The following ARID5B variants were observed in gnomAD, a reference collection of about 807,000 sequenced individuals.
The protein encoded by ARID5B is AT-rich interaction domain 5B.
In ARID5B, 13 loss-of-function variants were observed where a neutral mutation model predicts 97.2. That is an observed-to-expected ratio of 0.13 (90% CI 0.09 to 0.21). The LOEUF (loss-of-function observed/expected upper bound fraction) is 0.21, where lower values mean the gene tolerates loss of function less well. Among genes scored for constraint, ARID5B ranks in the 10% least tolerant of loss-of-function variants. The pLI, the probability that ARID5B is intolerant of heterozygous loss-of-function variation, is 1.00. For missense variants in ARID5B, 1,210 were observed against 1,465.3 expected, an observed-to-expected ratio of 0.83 and a Z score of 2.84; for synonymous variants, 556 against 570.3, an observed-to-expected ratio of 0.97 and a Z score of 0.36.
At chr10:62,090,727 G>C (rs1840356753) in intron 9 of ARID5B, 135 bp from the exon 10 acceptor site, 1 of 1,122,728 alleles carries the variant, frequency 8.9e-7, no homozygotes, top group South Asian at 1.8e-5. Context: ...GAGTAATAAA[G>C]CTTTACAGAA....
intron 4 of ARID5B, among the ~76,000 whole-genome samples, chr10:62,020,559 G>A (rs1839342976): frequency 6.6e-6 from 1 of 152,032 alleles, no homozygotes; most frequent in African/African-American, 2.4e-5. Flanking sequence ...AGAGCTCAGG[G>A]GCATTTTCTT....
intron 9 of ARID5B, among the ~76,000 whole-genome samples, chr10:62,089,535 T>C (rs1354048071): frequency 2.7e-5 from 4 of 148,944 alleles, no homozygotes; most frequent in Non-Finnish European, 4.5e-5. Flanking sequence ...TTTCTTTTTT[T>C]TTTTTTTTTT....
chr10:61,937,027 G>T (rs568282851), intron 2 of ARID5B, among the ~76,000 whole-genome samples: 1 of 152,124 alleles, frequency 6.6e-6, no homozygotes, highest in Non-Finnish European at 1.5e-5. Context: ...AAGTCCTGCC[G>T]TCAGTTGGTT....
At chr10:61,910,478 C>T (rs1422822360) in intron 2 of ARID5B, among the ~76,000 whole-genome samples, 1 of 152,208 alleles carries the variant, frequency 6.6e-6, no homozygotes, top group Non-Finnish European at 1.5e-5. Context: ...GATTCATTCA[C>T]CTCTCAGAGA....
intron 2 of ARID5B, among the ~76,000 whole-genome samples, chr10:61,928,845 C>T (rs1022286462): frequency 2.6e-5 from 4 of 152,200 alleles, no homozygotes; most frequent in African/African-American, 7.2e-5. Flanking sequence ...TTTTTACTCC[C>T]TCTGTAGATA....
intron 2 of ARID5B, among the ~76,000 whole-genome samples, chr10:61,933,074 G>C (rs1236931109): frequency 6.6e-6 from 1 of 152,034 alleles, no homozygotes; most frequent in Admixed American, 6.5e-5. Context: ...CAACTCAAAA[G>C]AACAAAAACA....
intron 7 of ARID5B, among the ~76,000 whole-genome samples, chr10:62,063,082 T>A (rs1839942691): frequency 6.6e-6 from 1 of 152,256 alleles, no homozygotes; most frequent in African/African-American, 2.4e-5. Context: ...ACCTGCCTTT[T>A]GTAGCATCTT....
rs559101002 is a variant in ARID5B, at chr10:62,095,306, G to A, written c.*2276G>A. On this transcript the variant is annotated 3_prime_UTR_variant, in exon 10 of 10. Transcript: ENST00000279873. ...GAATCGGAGGACATGGAAGAAAAAG[G>A]AAACTTCGGTGGTTCTGCAGCAGAC... The A allele has an allele frequency of 2.6e-5, 6 of 232,476 alleles. No homozygotes were observed. In the South Asian group the frequency reaches 1.1e-3, roughly 42 times the overall value. 14.4% of individuals were successfully genotyped at this position (232,476 alleles called of 1,614,324 possible).
chr10:62,016,618 T>C (rs1839287728), intron 4 of ARID5B, among the ~76,000 whole-genome samples: 1 of 152,214 alleles, frequency 6.6e-6, no homozygotes, highest in Admixed American at 6.5e-5. Flanking sequence ...TCAACCAGTC[T>C]GTTGCTCCCC....
At chr10:62,005,953 C>G (rs910129911) in intron 4 of ARID5B, among the ~76,000 whole-genome samples, 2 of 152,214 alleles carry the variant, frequency 1.3e-5, no homozygotes, top group Non-Finnish European at 2.9e-5. Context: ...CATACTTTCT[C>G]TGCCTGCCTG....
At chr10:62,038,127 A>G (rs1157276500) in intron 4 of ARID5B, among the ~76,000 whole-genome samples, 1 of 152,188 alleles carries the variant, frequency 6.6e-6, no homozygotes, top group African/African-American at 2.4e-5. Context: ...TTTTAATACC[A>G]GGTTTGTTTG....
intron 3 of ARID5B, among the ~76,000 whole-genome samples, chr10:61,993,277 C>T (rs547285012): frequency 1.3e-4 from 20 of 152,190 alleles, no homozygotes; most frequent in Middle Eastern, 3.4e-3. Context: ...TTGAAAAATA[C>T]GGCAGGACAC....
rs537887436 is a variant in ARID5B at position 61,922,670 on chromosome 10, G to A, written c.277-17513G>A. 3.3e-5 allele frequency among the ~76,000 whole-genome samples: 5 copies of A among 152,304 alleles called. 1 individual carries two copies. In the East Asian group the frequency reaches 7.7e-4, roughly 24 times the overall value. On this transcript the variant is annotated intron_variant, in intron 2 of 9. Transcript: ENST00000279873. ...GAGGCTTTAAATCATGTTGGCATAC[G>A]GCCATGGAAAGAAGACCTAAAAATC...
intron 8 of ARID5B, among the ~76,000 whole-genome samples, chr10:62,070,430 C>T (rs16916945): frequency 0.086 from 13,142 of 152,166 alleles, 778 homozygotes; most frequent in East Asian, 0.22. Flanking sequence ...TTATTCACAC[C>T]GTTAAAGACC....
In ARID5B at chr10:62,050,874, C is replaced by A. The variant is rs752073681; in HGVS notation, c.734-14C>A. ...AGTGAAAATGTATATCAATTGTTTT[C>A]CATTTGTTTTCAGCGCCAAATCTTA... On this transcript the variant is annotated splice_polypyrimidine_tract_variant and intron_variant, in intron 4 of 9. Coordinates refer to ENST00000279873, the MANE Select transcript of ARID5B (RefSeq NM_032199.3). 2 of 1,605,460 alleles carry A rather than the reference C, an allele frequency of 1.2e-6. No individual in the cohort carries two copies. Among genetic ancestry groups the A allele is most frequent in the Non-Finnish European group, 1.7e-6 (2 of 1,172,958 alleles).
At chr10:62,069,829 A>T in intron 8 of ARID5B, 32 bp downstream of exon 8, 1 of 1,602,260 alleles carries the variant, frequency 6.2e-7, no homozygotes, top group South Asian at 1.1e-5. Context: ...TTGCTTAGTT[A>T]AAAGTGTGTT....
chr10:62,054,000 T>C (rs1289628527), intron 5 of ARID5B, among the ~76,000 whole-genome samples: 1 of 152,196 alleles, frequency 6.6e-6, no homozygotes, highest in Non-Finnish European at 1.5e-5. Flanking sequence ...ACTGCCCCAG[T>C]TGAAGGCTGG....
chr10:61,923,349 GC>G (rs994716123), intron 2 of ARID5B, among the ~76,000 whole-genome samples: 10 of 152,016 alleles, frequency 6.6e-5, no homozygotes, highest in Non-Finnish European at 1.3e-4. Context: ...TCCACCCCTT[GC>G]CCCATCAATG....
At chr10:62,019,379 C>T (rs1197650571) in intron 4 of ARID5B, among the ~76,000 whole-genome samples, 1 of 152,192 alleles carries the variant, frequency 6.6e-6, no homozygotes, top group Non-Finnish European at 1.5e-5. Context: ...ATGAAATAAC[C>T]TTTCACAACC....
Sources: gnomAD v4.1 joint callset for allele counts (sites outside exome capture counted in the v4.1 genomes callset) on GRCh38, gnomAD v4.1.1 for gene constraint, MANE v1.5 for transcripts, NCBI Gene and HGNC (gene_info 2026-07-23, HGNC 2026-07-21) for gene names.